The following ARHGAP26 variants were observed in gnomAD, a reference collection of about 807,000 sequenced individuals.
ARHGAP26 encodes the protein Rho GTPase activating protein 26.
A neutral mutation model predicts 104.8 loss-of-function variants in ARHGAP26; 38 were observed. That is an observed-to-expected ratio of 0.36 (90% CI 0.28 to 0.48). ARHGAP26 has a LOEUF of 0.48. Ranked by LOEUF, ARHGAP26 falls within the 20% of genes least tolerant of loss-of-function variation. ARHGAP26 has a pLI of 0.99. For missense variants in ARHGAP26, 704 were observed against 947.9 expected (o/e 0.74, Z 3.38); for synonymous variants, 341 against 340.0 (o/e 1.00, Z -0.03).
intron 20 of ARHGAP26, among the ~76,000 whole-genome samples, chr5:143,185,616 T>C (rs925239728): frequency 7.2e-5 from 11 of 152,338 alleles, no homozygotes; most frequent in African/African-American, 1.9e-4. Flanking sequence ...GGCTATTTAT[T>C]TCCTTCCTTA....
intron 11 of ARHGAP26, among the ~76,000 whole-genome samples, chr5:142,941,668 G>A (rs1051726599): frequency 1.3e-5 from 2 of 152,082 alleles, no homozygotes; most frequent in Non-Finnish European, 2.9e-5. Flanking sequence ...ATTCACTTAT[G>A]TCCTTGTTCT....
At chr5:143,019,911 C>T (rs1026854577) in intron 12 of ARHGAP26, among the ~76,000 whole-genome samples, 1 of 152,174 alleles carries the variant, frequency 6.6e-6, no homozygotes, top group Admixed American at 6.5e-5. Context: ...TGGGTATTAA[C>T]TCAGATTCCA....
chr5:143,090,688 G>A (rs748051610), intron 17 of ARHGAP26, among the ~76,000 whole-genome samples: 6 of 152,208 alleles, frequency 3.9e-5, no homozygotes, highest in Non-Finnish European at 7.3e-5. Flanking sequence ...TTAGCTGATG[G>A]GGGAGGGCTG....
At chr5:142,966,799 G>A (rs190787458) in intron 11 of ARHGAP26, among the ~76,000 whole-genome samples, 2 of 152,328 alleles carry the variant, frequency 1.3e-5, no homozygotes, top group Admixed American at 6.5e-5. Flanking sequence ...AGGTATACAT[G>A]TAATGAGTTA....
chr5:143,215,564 C>T (rs138608058), intron 22 of ARHGAP26, among the ~76,000 whole-genome samples: 3 of 152,228 alleles, frequency 2.0e-5, no homozygotes, highest in African/African-American at 4.8e-5. Flanking sequence ...CTATATAATT[C>T]CAGAATATTT....
chr5:142,907,106 A>C (rs184007802), intron 8 of ARHGAP26, among the ~76,000 whole-genome samples: 6 of 152,192 alleles, frequency 3.9e-5, no homozygotes, highest in Non-Finnish European at 7.3e-5. Flanking sequence ...TAGAGGTTAC[A>C]TGTGGGCATT....
intron 11 of ARHGAP26, among the ~76,000 whole-genome samples, chr5:143,012,051 T>C (rs79350054): frequency 0.024 from 3,729 of 152,268 alleles, 65 homozygotes; most frequent in Middle Eastern, 0.061. Flanking sequence ...AAGTTACCAA[T>C]GGGGAAGCCC....
intron 12 of ARHGAP26, among the ~76,000 whole-genome samples, chr5:143,020,687 G>A (rs1027232658): frequency 7.0e-6 from 1 of 143,186 alleles, no homozygotes; most frequent in Non-Finnish European, 1.5e-5. Flanking sequence ...TGCCCAGGCT[G>A]GAGTGCAGTG....
At chr5:143,198,125 C>T (rs1430050862) in intron 20 of ARHGAP26, among the ~76,000 whole-genome samples, 2 of 152,092 alleles carry the variant, frequency 1.3e-5, no homozygotes, top group Non-Finnish European at 2.9e-5. Flanking sequence ...CTATTGCGTC[C>T]CTTTTATTTG....
At chr5:142,953,131 A>G (rs1214022622) in intron 11 of ARHGAP26, among the ~76,000 whole-genome samples, 1 of 152,178 alleles carries the variant, frequency 6.6e-6, no homozygotes, top group Non-Finnish European at 1.5e-5. Context: ...GACAAAATGA[A>G]CGCCCACACC....
At chr5:142,985,307 G>A (rs1026325334) in intron 11 of ARHGAP26, among the ~76,000 whole-genome samples, 3 of 152,130 alleles carry the variant, frequency 2.0e-5, no homozygotes, top group African/African-American at 7.2e-5. Context: ...AGTAAACTAA[G>A]GTTAATTTAT....
chr5:143,043,876 G>C (rs1783834003), intron 14 of ARHGAP26, among the ~76,000 whole-genome samples: 1 of 152,194 alleles, frequency 6.6e-6, no homozygotes, highest in South Asian at 2.1e-4. Context: ...GTGAAGGAGA[G>C]AGTAGAAGAA....
rs554401423 is a variant in ARHGAP26, at chr5:142,974,782, C to G, written c.1108-39298C>G. 4.6e-5 allele frequency among the ~76,000 whole-genome samples: 7 copies of G among 152,264 alleles called. No homozygotes were observed. In the South Asian group the frequency reaches 1.5e-3, roughly 32 times the overall value. On this transcript the variant is annotated intron_variant, in intron 11 of 22. Transcript: ENST00000645722. The stretch of plus-strand genomic sequence containing the variant: ...GATACATTTTTGGAAAGATTTTTTC[C>G]TCCTCAACTATTTAGCATTGTGAAT...
chr5:143,056,533 A>T (rs939560365), intron 16 of ARHGAP26, among the ~76,000 whole-genome samples: 5 of 152,040 alleles, frequency 3.3e-5, no homozygotes, highest in Non-Finnish European at 7.4e-5. Flanking sequence ...ATAACTTCAC[A>T]GTCCTCTTTT....
chr5:142,798,632 A>G (rs569518481), intron 1 of ARHGAP26, among the ~76,000 whole-genome samples: 1 of 152,322 alleles, frequency 6.6e-6, no homozygotes, highest in African/African-American at 2.4e-5. Context: ...TGATGGTGCA[A>G]GTACACTTTG....
intron 11 of ARHGAP26, among the ~76,000 whole-genome samples, chr5:142,978,747 C>CTTTT (rs11375975): frequency 0.016 from 1,961 of 124,584 alleles, 27 homozygotes; most frequent in South Asian, 0.044. Flanking sequence ...AGGAGTTTGC[C>CTTTT]TTTTTTTTTT....
chr5:142,837,481 C>T (rs1437009919), intron 1 of ARHGAP26, among the ~76,000 whole-genome samples: 4 of 152,102 alleles, frequency 2.6e-5, no homozygotes, highest in Admixed American at 6.6e-5. Context: ...GTTACTCTCA[C>T]GTCTCACTTG....
chr5:143,140,402 A>G (rs902935523), intron 19 of ARHGAP26, among the ~76,000 whole-genome samples: 3 of 152,092 alleles, frequency 2.0e-5, no homozygotes, highest in Admixed American at 1.3e-4. Flanking sequence ...TCCTTTTCTG[A>G]GCCTCCATTT....
intron 1 of ARHGAP26, 74 bp downstream of exon 1, chr5:142,770,989 GC>G (rs1287138970): frequency 1.9e-5 from 29 of 1,490,104 alleles, no homozygotes; most frequent in Non-Finnish European, 2.4e-5. Context: ...AGCCCGGGTT[GC>G]CCGCGCGTCT....
Sources: allele counts gnomAD v4.1 joint callset (sites outside exome capture counted in the v4.1 genomes callset), GRCh38; gene constraint gnomAD v4.1.1; transcripts MANE v1.5; gene names NCBI Gene and HGNC (gene_info 2026-07-23, HGNC 2026-07-21).